The following TEAD1 variants were observed in gnomAD, a reference collection of about 807,000 sequenced individuals.
TEAD1 encodes TEA domain transcription factor 1, also known as transcriptional enhancer factor TEF-1.
In TEAD1, 9 loss-of-function variants were observed where a neutral mutation model predicts 54.9. That is an observed-to-expected ratio of 0.16 (90% CI 0.10 to 0.29). The LOEUF (loss-of-function observed/expected upper bound fraction) is 0.29. Among genes scored for constraint, TEAD1 ranks in the 10% least tolerant of loss-of-function variants. TEAD1 has a pLI of 1.00. For missense variants in TEAD1, 387 were observed against 535.9 expected (o/e 0.72, Z 2.74); for synonymous variants, 200 against 187.8 (o/e 1.07, Z -0.53).
At chr11:12,727,565 T>TG (rs1430721424) in intron 2 of TEAD1, among the ~76,000 whole-genome samples, 1 of 152,192 alleles carries the variant, frequency 6.6e-6, no homozygotes, top group East Asian at 1.9e-4. Context: ...TTGTGATCCA[T>TG]GGTTCTCTTT....
At chr11:12,716,206 C>T (rs756109151) in intron 2 of TEAD1, among the ~76,000 whole-genome samples, 1 of 152,072 alleles carries the variant, frequency 6.6e-6, no homozygotes, top group Non-Finnish European at 1.5e-5. Flanking sequence ...CTCCACTGCC[C>T]TCCTTTTCTG....
chr11:12,699,760 A>G (rs1417295557), intron 2 of TEAD1, among the ~76,000 whole-genome samples: 1 of 152,236 alleles, frequency 6.6e-6, no homozygotes, highest in Non-Finnish European at 1.5e-5. Flanking sequence ...GAATGAATGA[A>G]ATTTCGGTAA....
chr11:12,696,196 G>A (rs1041048575), intron 2 of TEAD1, among the ~76,000 whole-genome samples: 1 of 152,198 alleles, frequency 6.6e-6, no homozygotes. Flanking sequence ...TGTACATTGT[G>A]TGTGTTTTTT....
intron 10 of TEAD1, among the ~76,000 whole-genome samples, chr11:12,903,563 C>T (rs529560144): frequency 6.6e-6 from 1 of 152,278 alleles, no homozygotes; most frequent in South Asian, 2.1e-4. Context: ...GCCTGTAATT[C>T]CAGCACTTTG....
chr11:12,873,273 G>T (rs1391625418), intron 5 of TEAD1, among the ~76,000 whole-genome samples: 3 of 152,194 alleles, frequency 2.0e-5, no homozygotes, highest in African/African-American at 7.2e-5. Flanking sequence ...AGGGGGCTGA[G>T]GTCAGAAGGG....
In TEAD1 at chr11:12,690,261, A is replaced by AAAT. The variant is rs1554920389; in HGVS notation, c.-55+14706_-55+14708dup. Among the ~76,000 whole-genome samples the AAAT allele has an allele frequency of 4.7e-3, 682 of 145,710 alleles. 11 individuals are homozygous for AAAT. The highest frequency in any genetic ancestry group is 9.5e-3 in the South Asian group (42 of 4,434). On this transcript the variant is annotated intron_variant, in intron 2 of 12. Transcript: ENST00000527636. ...CGTCTCAAAAAAAAAAAAAAAAAAA[A>AAAT]AATAATAAGCCCTTAATGTCAAATA...
intron 3 of TEAD1, among the ~76,000 whole-genome samples, chr11:12,768,979 G>C (rs1945262171): frequency 6.6e-6 from 1 of 152,210 alleles, no homozygotes; most frequent in South Asian, 2.1e-4. Context: ...GAGGATCCCA[G>C]ATCACAAGCC....
chr11:12,783,128 G>GTC (rs1377825076), intron 3 of TEAD1, among the ~76,000 whole-genome samples: 1 of 148,072 alleles, frequency 6.8e-6, no homozygotes, highest in Non-Finnish European at 1.5e-5. Flanking sequence ...GTGTGTGTGT[G>GTC]TGTGTGCGCG....
rs557795169 is a variant in TEAD1, at chr11:12,896,381, AC to A, written c.700-5558del. On this transcript the variant is annotated intron_variant, in intron 9 of 12. Coordinates refer to ENST00000527636, the MANE Select transcript of TEAD1 (RefSeq NM_021961.6). ...ATGTTAGGCCCCATCTCTTTTTAAA[AC>A]GTATTCCATCCTTTTGTAGGAACAT... Among the ~76,000 whole-genome samples, 17 of 152,246 alleles carry A rather than the reference AC, an allele frequency of 1.1e-4. No homozygotes were observed. In the South Asian group the frequency reaches 3.5e-3, roughly 32 times the overall value.
intron 2 of TEAD1, among the ~76,000 whole-genome samples, chr11:12,695,916 G>T (rs1256621302): frequency 3.9e-5 from 6 of 152,162 alleles, no homozygotes; most frequent in African/African-American, 1.2e-4. Context: ...GCCAGGTTCT[G>T]CCCCCTTTCA....
At chr11:12,703,003 G>A (rs940747023) in intron 2 of TEAD1, among the ~76,000 whole-genome samples, 3 of 152,120 alleles carry the variant, frequency 2.0e-5, no homozygotes, top group African/African-American at 7.2e-5. Context: ...GCCACAGCTG[G>A]GATTCAAGCC....
At chr11:12,721,566 A>G (rs10831900) in intron 2 of TEAD1, among the ~76,000 whole-genome samples, 13,286 of 152,270 alleles carry the variant, frequency 0.087, 804 homozygotes, top group South Asian at 0.24. Context: ...ACTCTCTGTC[A>G]GCTCACTCAT....
Position 12,908,497 on chromosome 11 carries a change from T to C in TEAD1, c.873+6384T>C, listed in dbSNP as rs557766960. ...TTCCTGTCTTGGGGACCTTTGAGTG[T>C]AATAAATTTTTTTCCTGAACTTCTC... On this transcript the variant is annotated intron_variant, in intron 10 of 12. Coordinates refer to ENST00000527636, the MANE Select transcript of TEAD1 (RefSeq NM_021961.6). Among the ~76,000 whole-genome samples, 26 of 152,308 alleles carry C rather than the reference T, an allele frequency of 1.7e-4. No individual in the cohort carries two copies. In the Middle Eastern group the frequency reaches 0.014, roughly 80 times the overall value.
intron 2 of TEAD1, among the ~76,000 whole-genome samples, chr11:12,757,127 T>G (rs2133915631): frequency 6.6e-6 from 1 of 152,330 alleles, no homozygotes; most frequent in Middle Eastern, 3.4e-3. Context: ...TTCTACTGAC[T>G]TCTCTCTCCT....
chr11:12,695,770 A>G (rs767976791), intron 2 of TEAD1, among the ~76,000 whole-genome samples: 2 of 152,192 alleles, frequency 1.3e-5, no homozygotes, highest in African/African-American at 4.8e-5. Flanking sequence ...GATATTTCCT[A>G]TAGATGGCAG....
At chr11:12,875,230 C>T (rs1016930081) in intron 5 of TEAD1, among the ~76,000 whole-genome samples, 6 of 152,210 alleles carry the variant, frequency 3.9e-5, no homozygotes, top group South Asian at 2.1e-4. Context: ...AGATTAGCCT[C>T]CTCCCCTTTA....
At chr11:12,711,473 G>T (rs1362001931) in intron 2 of TEAD1, among the ~76,000 whole-genome samples, 1 of 152,160 alleles carries the variant, frequency 6.6e-6, no homozygotes, top group African/African-American at 2.4e-5. Flanking sequence ...TTGAGATCTT[G>T]CATACTGCAA....
At chr11:12,815,893 A>C (rs1005593163) in intron 3 of TEAD1, among the ~76,000 whole-genome samples, 1 of 152,238 alleles carries the variant, frequency 6.6e-6, no homozygotes, top group South Asian at 2.1e-4. Flanking sequence ...CTCAGAGGAA[A>C]GAAGGAAGAG....
At position 12,757,936 on chromosome 11, in the gene TEAD1, C is replaced by T. The variant is rs111535313; in HGVS notation, c.-54-6243C>T. Reference sequence around the variant, plus strand: ...CTGGGATTACAGGCGCCTGCCACCACGCCTGACTAATTTTTGTATTTTTAG... The same window carrying T: ...CTGGGATTACAGGCGCCTGCCACCATGCCTGACTAATTTTTGTATTTTTAG... On this transcript the variant is annotated intron_variant, in intron 2 of 12. Coordinates refer to ENST00000527636, the MANE Select transcript of TEAD1 (RefSeq NM_021961.6). 2.7e-3 allele frequency among the ~76,000 whole-genome samples: 407 copies of T among 152,142 alleles called. 3 individuals carry two copies. Among genetic ancestry groups the T allele is most frequent in the South Asian group, 7.9e-3 (38 of 4,820 alleles).
Sources: gnomAD v4.1 joint callset for allele counts (sites outside exome capture counted in the v4.1 genomes callset) on GRCh38, gnomAD v4.1.1 for gene constraint, MANE v1.5 for transcripts, NCBI Gene and HGNC (gene_info 2026-07-23, HGNC 2026-07-21) for gene names.